Variants in LTBR observed in about 807,000 individuals in gnomAD.
The protein encoded by LTBR is tumor necrosis factor receptor superfamily member 3.
LTBR carries 15 observed loss-of-function variants against 45.4 expected under a neutral mutation model. The ratio of observed to expected loss-of-function variants is 0.33; its 90% CI spans 0.22 to 0.51. The LOEUF is 0.51. Ranked by LOEUF, LTBR falls within the 20% of genes least tolerant of loss-of-function variation. LTBR has a pLI of 0.97. For synonymous variants in LTBR, 228 were observed against 231.0 expected, an observed-to-expected ratio of 0.99 and a Z score of 0.12; for missense variants, 450 against 565.5, an observed-to-expected ratio of 0.80 and a Z score of 2.07.
upstream of LTBR, among the ~76,000 whole-genome samples, chr12:6,380,456 G>A (rs897803369): frequency 3.3e-5 from 5 of 152,248 alleles, no homozygotes; most frequent in African/African-American, 1.2e-4. Flanking sequence ...TAAGGTGGGC[G>A]AAATGACTTG....
intron 9 of LTBR, among the ~76,000 whole-genome samples, 155 bp downstream of exon 9, chr12:6,390,495 T>A (rs1949100799): frequency 6.6e-6 from 1 of 151,574 alleles, no homozygotes; most frequent in Non-Finnish European, 1.5e-5. Context: ...GGGAAGAGAC[T>A]GGAAAACCCA....
chr12:6,385,174 G>T, intron 3 of LTBR, 27 bp downstream of exon 3: 4 of 1,614,204 alleles, frequency 2.5e-6, no homozygotes, highest in South Asian at 1.1e-5. Flanking sequence ...CTGCGGGGGG[G>T]CTGGATCCCC....
intron 4 of LTBR, 83 bp downstream of exon 4, chr12:6,385,462 G>A (rs924317661): frequency 3.5e-6 from 5 of 1,418,158 alleles, no homozygotes; most frequent in Middle Eastern, 2.4e-4. Context: ...ATGGTACTGT[G>A]TCCACGGCGA....
At chr12:6,376,258 C>G in intron 1 of LTBR, 2 of 912,778 alleles carry the variant, frequency 2.2e-6, no homozygotes, top group Non-Finnish European at 2.6e-6. Context: ...TCGCCACCCC[C>G]TCCAACCTTG....
At chr12:6,380,639 G>C (rs574233029), upstream of LTBR, among the ~76,000 whole-genome samples, 35 of 151,006 alleles carry the variant, frequency 2.3e-4, no homozygotes, top group African/African-American at 8.5e-4. Context: ...GCAGTGAGCT[G>C]AGATTGCACC....
upstream of LTBR, among the ~76,000 whole-genome samples, chr12:6,382,977 C>A (rs572760839): frequency 3.4e-4 from 51 of 152,238 alleles, no homozygotes; most frequent in African/African-American, 1.2e-3. Flanking sequence ...GTGATGTGGC[C>A]ATCACTCATT....
upstream of LTBR, chr12:6,383,939 T>C: frequency 1.1e-6 from 1 of 919,712 alleles, no homozygotes; most frequent in Non-Finnish European, 1.3e-6. Flanking sequence ...CCGCCGCCCT[T>C]CCCTCGGCTG....
At chr12:6,376,750 CG>C (rs974099248) in intron 1 of LTBR, among the ~76,000 whole-genome samples, 9 of 152,130 alleles carry the variant, frequency 5.9e-5, no homozygotes, top group African/African-American at 9.7e-5. Flanking sequence ...GCCCTGCACG[CG>C]GCAGGGAAGG....
upstream of LTBR, among the ~76,000 whole-genome samples, chr12:6,379,655 G>T (rs1948958991): frequency 6.6e-6 from 1 of 152,156 alleles, no homozygotes; most frequent in South Asian, 2.1e-4. Flanking sequence ...AGTTGGCCGG[G>T]CATGGTGGCT....
At chr12:6,378,627 A>G (rs1465740154) in intron 1 of LTBR, among the ~76,000 whole-genome samples, 1 of 152,102 alleles carries the variant, frequency 6.6e-6, no homozygotes, top group Non-Finnish European at 1.5e-5. Context: ...GCATGAGGGG[A>G]CTGAGGCCCA....
chr12:6,379,211 A>T (rs889706197), upstream of LTBR, among the ~76,000 whole-genome samples: 1 of 152,140 alleles, frequency 6.6e-6, no homozygotes, highest in Non-Finnish European at 1.5e-5. Context: ...CATCTTGGTG[A>T]CCTCAGTGTC....
rs773932986 is a variant in LTBR at position 6,384,698 on chromosome 12, G to T, written c.193+14G>T. 1.9e-6 allele frequency: 3 copies of T among 1,612,662 alleles called. No individual in the cohort carries two copies. Among genetic ancestry groups the T allele is most frequent in the Non-Finnish European group, 2.5e-6 (3 of 1,178,818 alleles). ...GCTGCCCGCCAGGTGAGAGGCAATGGCAGGACGAACCTGGGCCTCGGAAGT... is the reference window on the plus strand; with the variant it reads ...GCTGCCCGCCAGGTGAGAGGCAATGTCAGGACGAACCTGGGCCTCGGAAGT... On this transcript the variant is annotated intron_variant, in intron 2 of 9. Transcript: ENST00000228918.
rs766972066 is a variant in LTBR at position 6,386,163 on chromosome 12, G to T, written c.569+1G>T. ...GCGCCCGCTGCCAGCCCCACACCAGGTGAGTGCAGCCCCACCCAAGCTCCT... is the reference window on the plus strand; with the variant it reads ...GCGCCCGCTGCCAGCCCCACACCAGTTGAGTGCAGCCCCACCCAAGCTCCT... On this transcript the variant is annotated splice_donor_variant, in intron 5 of 9. Coordinates refer to ENST00000228918, the MANE Select transcript of LTBR (RefSeq NM_002342.3). LOFTEE classifies it high-confidence loss of function. The surrounding 1 kb of genome is among the most constrained non-coding windows in gnomAD (Gnocchi z 4.1). The T allele has an allele frequency of 6.2e-7, 1 of 1,611,550 alleles. No homozygotes were observed. Among genetic ancestry groups the T allele is most frequent in the Non-Finnish European group, 8.5e-7 (1 of 1,177,954 alleles).
rs1949021758 is a variant in LTBR, at chr12:6,384,958, C to A, written c.194-64C>A. 3 of 1,602,556 alleles carry A rather than the reference C, an allele frequency of 1.9e-6. No homozygotes were observed. The Admixed American group carries it at 5.0e-5, about 27-fold the overall frequency. On this transcript the variant is annotated intron_variant, in intron 2 of 9. Transcript: ENST00000228918. ...CGAGGGAAAGGCCAGGGTCACACTA[C>A]AGGCAGCGGAGGTGAGGGTGGAGCC...
chr12:6,377,117 A>G (rs1459807569), intron 1 of LTBR: 17 of 644,236 alleles, frequency 2.6e-5, no homozygotes, highest in Non-Finnish European at 4.3e-5. Context: ...TTAGCAGGCA[A>G]AGAAGAGAAA....
Position 6,391,035 on chromosome 12 carries a change from C to T in LTBR, c.*98C>T. On this transcript the variant is annotated 3_prime_UTR_variant, in exon 10 of 10. Coordinates refer to ENST00000228918, the MANE Select transcript of LTBR (RefSeq NM_002342.3). ...GGATTCACAGGGGCCTGAGTAGGGC[C>T]CGGGGAAGCAGAGCCCTAAGGGATT... 1 of 1,291,372 alleles carries T rather than the reference C, an allele frequency of 7.7e-7. No individual in the cohort carries two copies. The highest frequency in any genetic ancestry group is 1.0e-6 in the Non-Finnish European group (1 of 966,010). The allele number at this position is 1,291,372 out of a possible 1,614,324, so 80.0% of individuals were successfully genotyped here. A position where few individuals can be genotyped will look rare whatever the true frequency, so the allele number is the denominator to read the frequency against.
chr12:6,391,024 C>CCTACTCAGGCCCCTG lies in LTBR; in HGVS notation c.*87_*88insCTACTCAGGCCCCTG. The CCTACTCAGGCCCCTG allele has an allele frequency of 7.5e-7, 1 of 1,340,998 alleles. No individual in the cohort carries two copies. Among genetic ancestry groups the CCTACTCAGGCCCCTG allele is most frequent in the Non-Finnish European group, 9.9e-7 (1 of 1,007,620 alleles). The allele number at this position is 1,340,998 out of a possible 1,614,324, so 83.1% of individuals were successfully genotyped here. On this transcript the variant is annotated 3_prime_UTR_variant, in exon 10 of 10. Coordinates refer to ENST00000228918, the MANE Select transcript of LTBR (RefSeq NM_002342.3). Reference sequence around the variant, plus strand: ...CTGCCCACGTGGGATTCACAGGGGCCTGAGTAGGGCCCGGGGAAGCAGAGC... The same window carrying CCTACTCAGGCCCCTG: ...CTGCCCACGTGGGATTCACAGGGGCCCTACTCAGGCCCCTGTGAGTAGGGCCCGGGGAAGCAGAGC...
chr12:6,390,863 C>T lies in LTBR; in HGVS notation c.1234C>T (p.Leu412=), dbSNP rs767942523. The T allele has an allele frequency of 6.2e-7, 1 of 1,610,512 alleles. No individual in the cohort carries two copies. Among genetic ancestry groups the T allele is most frequent in the Non-Finnish European group, 8.5e-7 (1 of 1,178,206 alleles). ...CCAGGAAGATGGCAAGGCTTGGCAC[C>T]TAGCGGAGACAGAGCACTGTGGTGC... ...PHQEDGKAWH[L]AETEHCGATP... The change falls in exon 10 of 10, where the codon CTA becomes TTA. Residue 412 remains leucine (L), a synonymous_variant. Transcript: ENST00000228918.
chr12:6,379,017 C>T (rs551022584), intron 1 of LTBR, among the ~76,000 whole-genome samples: 2 of 152,280 alleles, frequency 1.3e-5, no homozygotes, highest in East Asian at 1.9e-4. Flanking sequence ...TTGTTCTCCG[C>T]GGACAGGAGA....
Sources: allele counts gnomAD v4.1 joint callset (sites outside exome capture counted in the v4.1 genomes callset), GRCh38; gene constraint gnomAD v4.1.1; non-coding constraint Gnocchi (gnomAD v3.1); transcripts MANE v1.5; gene names NCBI Gene and HGNC (gene_info 2026-07-23, HGNC 2026-07-21).